PNPLA7: variants seen among roughly 807,000 people sequenced by gnomAD.
PNPLA7 encodes the protein patatin like domain 7, lysophospholipase, also known as patatin-like phospholipase domain-containing protein 7.
Under a neutral mutation model 161.7 loss-of-function variants are expected in PNPLA7, and 153 were observed. The observed-to-expected ratio is 0.95, with a 90% CI of 0.83 to 1.08. PNPLA7 has a LOEUF of 1.08. PNPLA7 is among the 50% of genes least tolerant of loss of function. PNPLA7 has a pLI of 0.00. For missense variants in PNPLA7, 1,739 were observed against 1,856.6 expected (o/e 0.94, Z 1.16); for synonymous variants, 809 against 782.1 (o/e 1.03, Z -0.57).
At chr9:137,510,012 A>G (rs964091221) in intron 12 of PNPLA7, among the ~76,000 whole-genome samples, 8 of 152,192 alleles carry the variant, frequency 5.3e-5, no homozygotes, top group African/African-American at 1.7e-4. Flanking sequence ...GACAAAGTGA[A>G]GAGTGACCAG....
intron 30 of PNPLA7, 91 bp from the exon 31 acceptor site, chr9:137,462,422 TCC>T: frequency 6.6e-7 from 1 of 1,508,272 alleles, no homozygotes. Flanking sequence ...TGGGGACCCA[TCC>T]TCTGGGGTAG....
intron 8 of PNPLA7, among the ~76,000 whole-genome samples, chr9:137,539,115 A>G (rs1225312057): frequency 1.4e-4 from 22 of 152,036 alleles, no homozygotes; most frequent in Admixed American, 1.4e-3. Context: ...GCACTTTGGG[A>G]GGCCAAGGCA....
At chr9:137,461,477 C>T in intron 33 of PNPLA7, 59 bp downstream of exon 33, 1 of 1,521,400 alleles carries the variant, frequency 6.6e-7, no homozygotes, top group African/African-American at 1.4e-5. Flanking sequence ...GGTTCAAGCC[C>T]AACACAGCAT....
chr9:137,476,924 C>T lies in PNPLA7; in HGVS notation c.2882+1110G>A, dbSNP rs1831964159. 6.6e-6 allele frequency among the ~76,000 whole-genome samples: 1 copy of T among 152,236 alleles called. No homozygotes were observed. The highest frequency in any genetic ancestry group is 2.4e-5 in the African/African-American group (1 of 41,452). The stretch of plus-strand genomic sequence containing the variant: ...AAGGATGCAGTGGGCACCTCATCAC[C>T]TAGAACAGCCCCAGGCTGACAGGGC... On this transcript the variant is annotated intron_variant, in intron 25 of 34. Coordinates refer to ENST00000406427, the MANE Select transcript of PNPLA7 (RefSeq NM_001098537.3). The surrounding 1 kb of genome is among the most constrained non-coding windows in gnomAD (Gnocchi z 4.5).
At position 137,486,267 on chromosome 9, in the gene PNPLA7, T is replaced by C. The variant is rs1832478347; in HGVS notation, c.2198-1531A>G. On this transcript the variant is annotated intron_variant, in intron 20 of 34. Coordinates refer to ENST00000406427, the MANE Select transcript of PNPLA7 (RefSeq NM_001098537.3). This position sits in a 1 kb window ranked among gnomAD's most constrained non-coding sequence, Gnocchi z 6.0. ...AAGTGAGGGCTTAAGGGCCACTCCCTGCAGACGGCGGCCAGCGGACACCTG... is the reference window on the plus strand; with the variant it reads ...AAGTGAGGGCTTAAGGGCCACTCCCCGCAGACGGCGGCCAGCGGACACCTG... Among the ~76,000 whole-genome samples, 1 of 152,090 alleles carries C rather than the reference T, an allele frequency of 6.6e-6. No homozygotes were observed. Among genetic ancestry groups the C allele is most frequent in the Non-Finnish European group, 1.5e-5 (1 of 68,008 alleles).
intron 8 of PNPLA7, among the ~76,000 whole-genome samples, chr9:137,529,445 G>A (rs976016548): frequency 6.6e-6 from 1 of 152,176 alleles, no homozygotes; most frequent in Non-Finnish European, 1.5e-5. Context: ...CATTTATAAT[G>A]GCTGGGTTTA....
chr9:137,548,100 C>A (rs866279118), intron 1 of PNPLA7, among the ~76,000 whole-genome samples: 2 of 152,182 alleles, frequency 1.3e-5, no homozygotes, highest in African/African-American at 4.8e-5. Context: ...AAGGAGGCAG[C>A]GGCCGAGAAG....
chr9:137,484,822 C>T, intron 20 of PNPLA7, 86 bp from the exon 21 acceptor site: 1 of 1,447,496 alleles, frequency 6.9e-7, no homozygotes, highest in East Asian at 2.5e-5. Context: ...CGAGGCTGCA[C>T]AGGAGCAACG....
At chr9:137,511,257 G>T (rs866207482) in intron 12 of PNPLA7, among the ~76,000 whole-genome samples, 2 of 151,362 alleles carry the variant, frequency 1.3e-5, no homozygotes, top group Non-Finnish European at 2.9e-5. Context: ...CCGTTACTTA[G>T]TGGACCTTGG....
rs775935127 is a variant in PNPLA7 at position 137,522,844 on chromosome 9, G to C, written c.761C>G (p.Pro254Arg). 1.2e-6 allele frequency: 2 copies of C among 1,613,514 alleles called. No homozygotes were observed. Among genetic ancestry groups the C allele is most frequent in the South Asian group, 2.2e-5 (2 of 91,078 alleles). ...CGCGCGGACGGAGACCGTTTTGTAAGGTGCAGCATGGCCCTGTAACAACAG... is the reference window on the plus strand; with the variant it reads ...CGCGCGGACGGAGACCGTTTTGTAACGTGCAGCATGGCCCTGTAACAACAG... ...ILDIITGHAA[P>R]YKTVSVRAAI... Residue 254 changes from proline to arginine, a missense_variant, in exon 9 of 35, where the codon CCT becomes CGT. Pro to Arg is a moderately radical substitution (Grantham distance 103, BLOSUM62 -2). This residue lies in a region of PNPLA7 where 152 missense variants were observed against 193.5 expected (regional missense o/e 0.79). Coordinates refer to ENST00000406427, the MANE Select transcript of PNPLA7 (RefSeq NM_001098537.3).
chr9:137,519,347 C>T (rs972966249), intron 11 of PNPLA7, among the ~76,000 whole-genome samples: 2 of 152,372 alleles, frequency 1.3e-5, no homozygotes, highest in Non-Finnish European at 2.9e-5. Flanking sequence ...CTCAGAACAG[C>T]GGGTGAGAGC....
At chr9:137,469,403 G>A (rs1014408549) in intron 25 of PNPLA7, among the ~76,000 whole-genome samples, 1 of 152,176 alleles carries the variant, frequency 6.6e-6, no homozygotes, top group Non-Finnish European at 1.5e-5. Flanking sequence ...AAGAGACAGT[G>A]TGGCATGTTC....
chr9:137,528,074 A>G (rs1835390773), intron 8 of PNPLA7, among the ~76,000 whole-genome samples: 1 of 152,196 alleles, frequency 6.6e-6, no homozygotes. Context: ...TTATGTCTGT[A>G]GGGTCTGTAG....
At chr9:137,525,092 G>A (rs1835232558) in intron 8 of PNPLA7, among the ~76,000 whole-genome samples, 1 of 152,214 alleles carries the variant, frequency 6.6e-6, no homozygotes, top group Non-Finnish European at 1.5e-5. Context: ...TGGCCATGCA[G>A]GGAAGACCAA....
At chr9:137,512,478 C>A (rs376485828) in intron 12 of PNPLA7, among the ~76,000 whole-genome samples, 12 of 152,284 alleles carry the variant, frequency 7.9e-5, no homozygotes, top group African/African-American at 2.9e-4. Flanking sequence ...GTTTTACAAC[C>A]AGACATGGCT....
Position 137,506,033 on chromosome 9 carries a change from T to C in PNPLA7, c.1276A>G (p.Arg426Gly). ...TGCTCGTCCGAGTGCAGGAAGACCC[T>C]GGCACGGTCACATGCCATCCCCAGA... ...SDLGMACDRARVFLHSDEHPG... is the reference protein window; with the variant it reads ...SDLGMACDRAGVFLHSDEHPG... The change falls in exon 13 of 35, where the codon AGG becomes GGG. Residue 426 changes from arginine to glycine, a missense_variant. Physicochemically the swap from Arg to Gly is moderately radical, Grantham distance 125 (BLOSUM62 -2). Around this residue, in one of 6 missense-constraint regions of PNPLA7, gnomAD observed 481 missense variants for 450.0 expected, o/e 1.07. Coordinates refer to ENST00000406427, the MANE Select transcript of PNPLA7 (RefSeq NM_001098537.3). 1 of 1,613,086 alleles carries C rather than the reference T, an allele frequency of 6.2e-7. No individual in the cohort carries two copies. Among genetic ancestry groups the C allele is most frequent in the South Asian group, 1.1e-5 (1 of 90,870 alleles).
In PNPLA7 at chr9:137,541,613, G is replaced by T; in HGVS notation, c.667-891C>A. 2.2e-6 allele frequency: 1 copy of T among 455,918 alleles called. No individual in the cohort carries two copies. Among genetic ancestry groups the T allele is most frequent in the Non-Finnish European group, 2.9e-6 (1 of 345,866 alleles). The allele number at this position is 455,918 out of a possible 1,614,324, so 28.2% of individuals were successfully genotyped here. On this transcript the variant is annotated intron_variant, in intron 7 of 34. Coordinates refer to ENST00000406427, the MANE Select transcript of PNPLA7 (RefSeq NM_001098537.3). This position sits in a 1 kb window ranked among gnomAD's most constrained non-coding sequence, Gnocchi z 4.4. ...TGAGAACAAGCAATGGGAAGTCTGG[G>T]TCGCAAACTGCCCAGACAGACAAAG... is the stretch of plus-strand genomic sequence containing the variant.
At chr9:137,529,116 G>C (rs1462651277) in intron 8 of PNPLA7, among the ~76,000 whole-genome samples, 1 of 152,184 alleles carries the variant, frequency 6.6e-6, no homozygotes, top group African/African-American at 2.4e-5. Context: ...TCCCACTTTA[G>C]CCTCCTGAGT....
intron 9 of PNPLA7, among the ~76,000 whole-genome samples, 162 bp from the exon 10 acceptor site, chr9:137,521,878 C>T (rs779377307): frequency 1.3e-4 from 20 of 152,144 alleles, no homozygotes; most frequent in African/African-American, 2.4e-4. Flanking sequence ...CACCTCACCA[C>T]GGTCAAGTAA....
Sources: gnomAD v4.1 joint callset for allele counts (sites outside exome capture counted in the v4.1 genomes callset) on GRCh38, gnomAD v4.1.1 for gene constraint, gnomAD v4.1.1 regional missense constraint, Gnocchi (gnomAD v3.1) non-coding constraint, MANE v1.5 for transcripts, NCBI Gene and HGNC (gene_info 2026-07-23, HGNC 2026-07-21) for gene names.